OPCML: variants seen among roughly 807,000 people sequenced by gnomAD.
The protein encoded by OPCML is opioid binding protein/cell adhesion molecule like.
OPCML carries 13 observed loss-of-function variants against 37.8 expected under a neutral mutation model. The ratio of observed to expected loss-of-function variants is 0.34; its 90% confidence interval spans 0.22 to 0.55. The LOEUF is 0.55. Among genes scored for constraint, OPCML ranks in the 20% least tolerant of loss-of-function variants. OPCML has a pLI of 0.91. For missense variants in OPCML, 341 were observed against 435.6 expected, an observed-to-expected ratio of 0.78 and a Z score of 1.93; for synonymous variants, 176 against 168.8, an observed-to-expected ratio of 1.04 and a Z score of -0.33.
At chr11:133,101,028 G>C (rs947527851) in intron 1 of OPCML, among the ~76,000 whole-genome samples, 1 of 152,074 alleles carries the variant, frequency 6.6e-6, no homozygotes, top group African/African-American at 2.4e-5. Flanking sequence ...GGGTTCAAGC[G>C]ATTCTCCTGC....
chr11:132,999,837 T>C (rs1946964076), intron 1 of OPCML, among the ~76,000 whole-genome samples: 1 of 152,068 alleles, frequency 6.6e-6, no homozygotes, highest in Non-Finnish European at 1.5e-5. Flanking sequence ...CAGGGGTCTA[T>C]CTCAGGGCAG....
At chr11:132,559,662 C>T (rs1157587027) in intron 3 of OPCML, among the ~76,000 whole-genome samples, 1 of 152,124 alleles carries the variant, frequency 6.6e-6, no homozygotes, top group African/African-American at 2.4e-5. Flanking sequence ...TACATTAACA[C>T]ATGAGGGAAA....
Position 132,689,899 on chromosome 11 carries a change from C to T in OPCML, c.147-32580G>A, listed in dbSNP as rs143012395. Among the ~76,000 whole-genome samples the T allele has an allele frequency of 9.6e-3, 1,461 of 152,200 alleles. 21 individuals carry two copies. Among genetic ancestry groups the T allele is most frequent in the African/African-American group, 0.033 (1,389 of 41,508 alleles). On this transcript the variant is annotated intron_variant, in intron 2 of 7. Coordinates refer to ENST00000524381, the MANE Select transcript of OPCML (RefSeq NM_001012393.5). ...ACAAAGAATTAAAATTTGCCTTGGA[C>T]CATAAGTAATCATTTATAGGAAAAA...
At chr11:132,759,200 G>C (rs1946172072) in intron 2 of OPCML, among the ~76,000 whole-genome samples, 1 of 152,136 alleles carries the variant, frequency 6.6e-6, no homozygotes, top group African/African-American at 2.4e-5. Flanking sequence ...GATTCAGTTT[G>C]CCAGTATTTT....
At chr11:132,432,660 C>G (rs530474370) in intron 7 of OPCML, among the ~76,000 whole-genome samples, 2 of 152,296 alleles carry the variant, frequency 1.3e-5, no homozygotes, top group African/African-American at 4.8e-5. Context: ...ATTCATTCCA[C>G]AAAGTTTTCC....
At chr11:133,131,987 T>G (rs1949611461) in intron 1 of OPCML, among the ~76,000 whole-genome samples, 2 of 152,196 alleles carry the variant, frequency 1.3e-5, no homozygotes, top group African/African-American at 2.4e-5. Flanking sequence ...GACCTATATG[T>G]AAAATATAAC....
chr11:133,385,921 T>TC (rs1299101277), intron 1 of OPCML, among the ~76,000 whole-genome samples: 1 of 151,790 alleles, frequency 6.6e-6, no homozygotes, highest in Non-Finnish European at 1.5e-5. Context: ...TCTCTTTTTT[T>TC]CTCTCTAAAC....
intron 1 of OPCML, among the ~76,000 whole-genome samples, chr11:133,316,530 G>A (rs564207882): frequency 7.2e-5 from 11 of 152,218 alleles, no homozygotes; most frequent in South Asian, 6.2e-4. Flanking sequence ...CTTAAAACCC[G>A]GATGATGGGT....
chr11:132,747,859 G>T (rs944311419), intron 2 of OPCML, among the ~76,000 whole-genome samples: 1 of 152,104 alleles, frequency 6.6e-6, no homozygotes, highest in East Asian at 1.9e-4. Context: ...GGGGGAGCGG[G>T]TCTCACTATG....
chr11:133,154,507 G>A (rs1950029691), intron 1 of OPCML, among the ~76,000 whole-genome samples: 1 of 151,640 alleles, frequency 6.6e-6, no homozygotes, highest in Admixed American at 6.6e-5. Flanking sequence ...GTTTCATTGG[G>A]GAAAAGGTCT....
At chr11:132,443,419 C>G (rs2096043376) in intron 4 of OPCML, among the ~76,000 whole-genome samples, 1 of 152,156 alleles carries the variant, frequency 6.6e-6, no homozygotes, top group African/African-American at 2.4e-5. Context: ...TCTGGGAAAA[C>G]AAGAAAAGGA....
At chr11:133,124,141 C>T (rs980691819) in intron 1 of OPCML, among the ~76,000 whole-genome samples, 2 of 150,920 alleles carry the variant, frequency 1.3e-5, no homozygotes, top group African/African-American at 4.9e-5. Flanking sequence ...GTCTACTTCT[C>T]CCATACTTAA....
At chr11:132,879,849 C>T (rs1339614374) in intron 2 of OPCML, among the ~76,000 whole-genome samples, 1 of 152,156 alleles carries the variant, frequency 6.6e-6, no homozygotes, top group African/African-American at 2.4e-5. Flanking sequence ...AAAAAAAATA[C>T]AAACAAAAAC....
chr11:132,682,407 T>C (rs1162362465), intron 2 of OPCML, among the ~76,000 whole-genome samples: 1 of 152,154 alleles, frequency 6.6e-6, no homozygotes, highest in African/African-American at 2.4e-5. Context: ...TATCATCTTT[T>C]AAAAAAACTC....
chr11:133,258,006 T>C (rs903676713), intron 1 of OPCML, among the ~76,000 whole-genome samples: 2 of 152,172 alleles, frequency 1.3e-5, no homozygotes, highest in South Asian at 2.1e-4. Context: ...GGGGGTGAGT[T>C]AAGAAGCGGT....
rs76508367 is a variant in OPCML, at chr11:132,572,218, G to C, written c.380-43032C>G. ...TGCAGATATTTTCTCTCACTCCCTT[G>C]GTTGCCTGTTTATGTGATTGATAGA... On this transcript the variant is annotated intron_variant, in intron 3 of 7. Coordinates refer to ENST00000524381, the MANE Select transcript of OPCML (RefSeq NM_001012393.5). Among the ~76,000 whole-genome samples the C allele has an allele frequency of 0.012, 1,763 of 151,368 alleles. 122 individuals carry two copies. The East Asian group carries it at 0.2, about 17-fold the overall frequency.
chr11:133,230,753 G>T (rs954852317), intron 1 of OPCML, among the ~76,000 whole-genome samples: 2 of 152,174 alleles, frequency 1.3e-5, no homozygotes, highest in African/African-American at 2.4e-5. Flanking sequence ...CCATTTCACT[G>T]AGGACAGGCC....
chr11:132,519,608 C>A (rs1311571863), intron 4 of OPCML, among the ~76,000 whole-genome samples: 2 of 151,966 alleles, frequency 1.3e-5, no homozygotes, highest in Non-Finnish European at 2.9e-5. Context: ...ACCCATATGG[C>A]GAAAAGCACA....
intron 1 of OPCML, among the ~76,000 whole-genome samples, chr11:133,069,607 A>G (rs1271613660): frequency 1.3e-5 from 2 of 152,198 alleles, no homozygotes; most frequent in African/African-American, 4.8e-5. Context: ...GCTTGAAGCT[A>G]CATGTGTGCC....
Sources: allele counts gnomAD v4.1 joint callset (sites outside exome capture counted in the v4.1 genomes callset), GRCh38; gene constraint gnomAD v4.1.1; transcripts MANE v1.5; gene names NCBI Gene and HGNC (gene_info 2026-07-23, HGNC 2026-07-21).